The following SEPTIN9 variants were observed in gnomAD, a reference collection of about 807,000 sequenced individuals.
SEPTIN9 encodes the protein septin-9.
Under a neutral mutation model 56.6 loss-of-function variants are expected in SEPTIN9, and 13 were observed. That is an observed-to-expected ratio of 0.23 (90% CI 0.15 to 0.37). The LOEUF is 0.37. Among genes scored for constraint, SEPTIN9 ranks in the 10% least tolerant of loss-of-function variants. SEPTIN9 has a pLI of 1.00. For missense variants in SEPTIN9, 650 were observed against 823.1 expected, an observed-to-expected ratio of 0.79 and a Z score of 2.57; for synonymous variants, 332 against 334.1, an observed-to-expected ratio of 0.99 and a Z score of 0.07.
rs182363399 is a variant in SEPTIN9, at chr17:77,296,196, C to T, written c.20-10945C>T. 3.2e-4 allele frequency among the ~76,000 whole-genome samples: 48 copies of T among 152,278 alleles called. No individual in the cohort carries two copies. The East Asian group carries it at 7.9e-3, about 25-fold the overall frequency. ...AACTAACCCTGACGGCACCTTGATC[C>T]GGGACTTTGGGCCTCTCAAACTGAG... On this transcript the variant is annotated intron_variant, in intron 1 of 11. Coordinates refer to ENST00000427177, the MANE Select transcript of SEPTIN9 (RefSeq NM_001113491.2).
In SEPTIN9 at chr17:77,326,426, C is replaced by T. The variant is rs940096446; in HGVS notation, c.76+19229C>T. 2.6e-5 allele frequency among the ~76,000 whole-genome samples: 4 copies of T among 152,128 alleles called. No homozygotes were observed. Among genetic ancestry groups the T allele is most frequent in the Admixed American group, 6.5e-5 (1 of 15,276 alleles). On this transcript the variant is annotated intron_variant, in intron 2 of 11. Transcript: ENST00000427177. The surrounding 1 kb of genome is among the most constrained non-coding windows in gnomAD (Gnocchi z 5.1). ...TAGGACCAGGTCAGGAGGGCTGCCT[C>T]GGGGGGACACCTTCGGGCTGAGCGC...
At chr17:77,376,180 G>T in intron 2 of SEPTIN9, 1 of 986,906 alleles carries the variant, frequency 1.0e-6, no homozygotes, top group Non-Finnish European at 1.2e-6. Flanking sequence ...CAGTGGGGGA[G>T]GCTGGAATGA....
intron 2 of SEPTIN9, among the ~76,000 whole-genome samples, chr17:77,311,394 T>A (rs1052741598): frequency 6.6e-6 from 1 of 152,130 alleles, no homozygotes; most frequent in Non-Finnish European, 1.5e-5. Flanking sequence ...ACCTGGCCGC[T>A]GTGGATGGAC....
In SEPTIN9 at chr17:77,498,677, C is replaced by CCCGGAT; in HGVS notation, c.*20_*21insCGGATC. 6.6e-7 allele frequency: 1 copy of CCCGGAT among 1,521,668 alleles called. No individual in the cohort carries two copies. Among genetic ancestry groups the CCCGGAT allele is most frequent in the Non-Finnish European group, 8.8e-7 (1 of 1,130,316 alleles). The allele number at this position is 1,521,668 out of a possible 1,614,324, so 94.3% of individuals were successfully genotyped here. A position where few individuals can be genotyped will look rare whatever the true frequency, so the allele number is the denominator to read the frequency against. On this transcript the variant is annotated 3_prime_UTR_variant, in exon 12 of 12. Transcript: ENST00000427177. ...GATGTAGACGCCACCCTGCCCACCC[C>CCCGGAT]CGGGATCCTGCCCCCAAGTCATTTC...
At position 77,435,515 on chromosome 17, in the gene SEPTIN9, G is replaced by A. The variant is rs1475149947; in HGVS notation, c.721+32812G>A. On this transcript the variant is annotated intron_variant, in intron 3 of 11. Transcript: ENST00000427177. The surrounding 1 kb of genome is among the most constrained non-coding windows in gnomAD (Gnocchi z 4.5). ...GGGCGGGTCGTCGTGCCCCAGTGCC[G>A]CCTGCCCTACACCTGATTGGCAGCA... Among the ~76,000 whole-genome samples, 4 of 152,158 alleles carry A rather than the reference G, an allele frequency of 2.6e-5. No homozygotes were observed. The highest frequency in any genetic ancestry group is 2.9e-5 in the Non-Finnish European group (2 of 68,022).
intron 1 of SEPTIN9, among the ~76,000 whole-genome samples, chr17:77,288,388 C>T (rs990877250): frequency 1.1e-4 from 16 of 152,226 alleles, no homozygotes; most frequent in Admixed American, 2.0e-4. Context: ...CCTGGCCAGG[C>T]GAGGCGTGTT....
At chr17:77,497,465 A>T in intron 11 of SEPTIN9, 99 bp downstream of exon 11, 1 of 1,135,892 alleles carries the variant, frequency 8.8e-7, no homozygotes, top group South Asian at 1.3e-5. Context: ...CCCTGGGCAG[A>T]GTGGGTGCCC....
chr17:77,418,361 A>G (rs6501955), intron 3 of SEPTIN9, among the ~76,000 whole-genome samples: 56,190 of 151,252 alleles, frequency 0.37, 10,927 homozygotes, highest in African/African-American at 0.41. Flanking sequence ...TTTTTTTCTT[A>G]AGATGGAGTT....
rs1555681873 is a variant in SEPTIN9, at chr17:77,498,704, G to GGC, written c.*46_*47insGC. On this transcript the variant is annotated 3_prime_UTR_variant, in exon 12 of 12. Transcript: ENST00000427177. ...GGGATCCTGCCCCCAAGTCATTTCCGTCCCCCCCCAGGCCCTCCCACCACC... is the reference window on the plus strand; with the variant it reads ...GGGATCCTGCCCCCAAGTCATTTCCGGCTCCCCCCCCAGGCCCTCCCACCACC... 2.6e-6 allele frequency: 3 copies of GGC among 1,134,058 alleles called. No homozygotes were observed. The highest frequency in any genetic ancestry group is 3.0e-5 in the East Asian group (1 of 33,898). 70.2% of individuals were successfully genotyped at this position (1,134,058 alleles called of 1,614,324 possible).
chr17:77,351,321 C>T (rs902515290), intron 2 of SEPTIN9, among the ~76,000 whole-genome samples: 2 of 151,878 alleles, frequency 1.3e-5, no homozygotes, highest in Non-Finnish European at 2.9e-5. Flanking sequence ...GGCAGGAAAC[C>T]GGGTTCTGGG....
At chr17:77,465,408 G>T (rs781632952) in intron 3 of SEPTIN9, among the ~76,000 whole-genome samples, 117 of 152,338 alleles carry the variant, frequency 7.7e-4, no homozygotes, top group African/African-American at 2.6e-3. Context: ...TCTGCTGAGG[G>T]ACCCAGGCCT....
chr17:77,289,128 A>C (rs1282987791), intron 1 of SEPTIN9, among the ~76,000 whole-genome samples: 1 of 151,894 alleles, frequency 6.6e-6, no homozygotes, highest in African/African-American at 2.4e-5. Flanking sequence ...ACGGAGTCTC[A>C]CTCTGTCACC....
chr17:77,404,876 G>A (rs756182905), intron 3 of SEPTIN9, among the ~76,000 whole-genome samples: 1 of 152,236 alleles, frequency 6.6e-6, no homozygotes, highest in South Asian at 2.1e-4. Flanking sequence ...CCCAGACTCA[G>A]TGACAGTGGT....
chr17:77,286,790 C>T (rs974574008), intron 1 of SEPTIN9, among the ~76,000 whole-genome samples: 7 of 152,204 alleles, frequency 4.6e-5, no homozygotes, highest in Admixed American at 6.5e-5. Flanking sequence ...AGTGCAGGCC[C>T]GGCCAGGGGG....
At position 77,319,505 on chromosome 17, in the gene SEPTIN9, G is replaced by A; in HGVS notation, c.76+12308G>A. The A allele has an allele frequency of 1.9e-6, 2 of 1,034,342 alleles. No homozygotes were observed. The highest frequency in any genetic ancestry group is 1.2e-4 in the East Asian group (2 of 17,386). 64.1% of individuals were successfully genotyped at this position (1,034,342 alleles called of 1,614,324 possible). A position where few individuals can be genotyped will look rare whatever the true frequency, so the allele number is the denominator to read the frequency against. On this transcript the variant is annotated intron_variant, in intron 2 of 11. Transcript: ENST00000427177. This position sits in a 1 kb window ranked among gnomAD's most constrained non-coding sequence, Gnocchi z 5.3. ...CCGTTCGCCCTCTCTGCCTGGGCGG[G>A]GACGGCAACTGCCTCTGTCACTGCA... is the stretch of plus-strand genomic sequence containing the variant.
At chr17:77,297,145 G>A (rs146382181) in intron 1 of SEPTIN9, among the ~76,000 whole-genome samples, 49 of 152,252 alleles carry the variant, frequency 3.2e-4, no homozygotes, top group African/African-American at 1.2e-3. Flanking sequence ...AAGGCCGTCC[G>A]CAAGCTGGAG....
intron 3 of SEPTIN9, among the ~76,000 whole-genome samples, chr17:77,471,286 A>G (rs1318974514): frequency 6.6e-6 from 1 of 152,136 alleles, no homozygotes; most frequent in Non-Finnish European, 1.5e-5. Flanking sequence ...CCTACCCCCA[A>G]GCAGGCCGTG....
rs1040090847 is a variant in SEPTIN9, at chr17:77,327,527, C to A, written c.76+20330C>A. On this transcript the variant is annotated intron_variant, in intron 2 of 11. Coordinates refer to ENST00000427177, the MANE Select transcript of SEPTIN9 (RefSeq NM_001113491.2). The surrounding 1 kb of genome is among the most constrained non-coding windows in gnomAD (Gnocchi z 5.0). ...AGGGGGTCCTGAAGGCCAGGGCAGG[C>A]AAGGCTGGCATGCTCTGGGCAGTGG... Among the ~76,000 whole-genome samples the A allele has an allele frequency of 6.6e-6, 1 of 152,052 alleles. No homozygotes were observed. Among genetic ancestry groups the A allele is most frequent in the African/African-American group, 2.4e-5 (1 of 41,404 alleles).
chr17:77,438,565 A>C lies in SEPTIN9; in HGVS notation c.721+35862A>C, dbSNP rs201090479. Among the ~76,000 whole-genome samples the C allele has an allele frequency of 2.4e-3, 358 of 152,212 alleles. 10 individuals are homozygous for C. The South Asian group carries it at 0.058, about 25-fold the overall frequency. On this transcript the variant is annotated intron_variant, in intron 3 of 11. Coordinates refer to ENST00000427177, the MANE Select transcript of SEPTIN9 (RefSeq NM_001113491.2). ...ACAAGAGTTTTTAAAAGCGCAATAG[A>C]CCATCTGAGGGGTGCAGTGGGAGAG...
Sources: allele counts gnomAD v4.1 joint callset (sites outside exome capture counted in the v4.1 genomes callset), GRCh38; gene constraint gnomAD v4.1.1; non-coding constraint Gnocchi (gnomAD v3.1); transcripts MANE v1.5; gene names NCBI Gene and HGNC (gene_info 2026-07-23, HGNC 2026-07-21).